Variants in DLG2 observed in about 807,000 individuals in gnomAD.
DLG2 encodes the protein disks large homolog 2.
DLG2 carries 45 observed loss-of-function variants against 132.5 expected under a neutral mutation model. The observed-to-expected ratio is 0.34, with a 90% CI of 0.27 to 0.44. The LOEUF is 0.44. DLG2 is among the 20% of genes least tolerant of loss of function. The pLI is 1.00. For synonymous variants in DLG2, 424 were observed against 419.6 expected, an observed-to-expected ratio of 1.01 and a Z score of -0.13; for missense variants, 1,045 against 1,196.9, an observed-to-expected ratio of 0.87 and a Z score of 1.87.
intron 6 of DLG2, among the ~76,000 whole-genome samples, chr11:84,849,224 C>T (rs941305633): frequency 2.0e-5 from 3 of 152,146 alleles, no homozygotes; most frequent in African/African-American, 7.2e-5. Flanking sequence ...AACAAGTCAA[C>T]TCATAGAACA....
chr11:85,174,788 C>A (rs144528781), intron 4 of DLG2, among the ~76,000 whole-genome samples: 1 of 152,004 alleles, frequency 6.6e-6, no homozygotes, highest in East Asian at 1.9e-4. Context: ...GGGATATCAC[C>A]GCTGACCCCA....
chr11:85,607,260 C>A (rs1302535604), intron 2 of DLG2, among the ~76,000 whole-genome samples: 1 of 152,144 alleles, frequency 6.6e-6, no homozygotes, highest in Non-Finnish European at 1.5e-5. Context: ...TAACAAACCC[C>A]GACTCTTCAG....
At chr11:85,223,901 C>A (rs60360244) in intron 4 of DLG2, among the ~76,000 whole-genome samples, 6,143 of 152,064 alleles carry the variant, frequency 0.04, 161 homozygotes, top group East Asian at 0.093. Flanking sequence ...TCTCTGCTAC[C>A]CTTCCAACTG....
At chr11:84,956,230 A>G (rs2051643495) in intron 6 of DLG2, among the ~76,000 whole-genome samples, 1 of 152,216 alleles carries the variant, frequency 6.6e-6, no homozygotes, top group Non-Finnish European at 1.5e-5. Context: ...GCTGAACAAT[A>G]TTTCTAAAAA....
intron 11 of DLG2, among the ~76,000 whole-genome samples, chr11:84,038,722 C>T (rs1214871134): frequency 6.6e-6 from 1 of 151,928 alleles, no homozygotes; most frequent in Admixed American, 6.6e-5. Context: ...AAGATATACC[C>T]AAGACTTGGC....
At chr11:83,736,283 CTCTG>C (rs2091881821) in intron 18 of DLG2, among the ~76,000 whole-genome samples, 1 of 152,142 alleles carries the variant, frequency 6.6e-6, no homozygotes, top group South Asian at 2.1e-4. Context: ...TACTTAGCTT[CTCTG>C]TCTCTCAGTG....
At chr11:84,394,717 G>T (rs2098805224) in intron 7 of DLG2, among the ~76,000 whole-genome samples, 1 of 151,862 alleles carries the variant, frequency 6.6e-6, no homozygotes, top group Non-Finnish European at 1.5e-5. Flanking sequence ...TGCCTCCTGG[G>T]TTCAAGCGAT....
intron 4 of DLG2, among the ~76,000 whole-genome samples, chr11:85,216,244 A>T (rs914478456): frequency 6.6e-6 from 1 of 152,232 alleles, no homozygotes; most frequent in Non-Finnish European, 1.5e-5. Context: ...GGGCTAACAC[A>T]GGATCATACA....
chr11:84,096,887 T>C (rs116647713), intron 10 of DLG2, among the ~76,000 whole-genome samples: 10 of 105,944 alleles, frequency 9.4e-5, no homozygotes, highest in African/African-American at 3.0e-4. Context: ...TGAAAAAAGA[T>C]GCACATTTAC....
intron 7 of DLG2, among the ~76,000 whole-genome samples, chr11:84,442,940 T>A (rs568903303): frequency 6.6e-6 from 1 of 152,026 alleles, no homozygotes; most frequent in Admixed American, 6.6e-5. Context: ...TAGGAAAAAA[T>A]TGTCACTATG....
chr11:84,584,792 C>T (rs925381318), intron 6 of DLG2, among the ~76,000 whole-genome samples: 36 of 143,466 alleles, frequency 2.5e-4, no homozygotes, highest in Middle Eastern at 3.9e-3. Context: ...GGGTTCACGC[C>T]ATTCTCCTGC....
intron 6 of DLG2, among the ~76,000 whole-genome samples, chr11:84,870,471 C>T (rs1233574913): frequency 2.6e-5 from 4 of 152,122 alleles, no homozygotes; most frequent in South Asian, 2.1e-4. Flanking sequence ...CTTTCCTCCC[C>T]GATTAATAGG....
chr11:84,202,128 T>A lies in DLG2; in HGVS notation c.574-38617A>T, dbSNP rs558860102. 7.9e-5 allele frequency among the ~76,000 whole-genome samples: 12 copies of A among 152,104 alleles called. No homozygotes were observed. In the South Asian group the frequency reaches 1.5e-3, roughly 18 times the overall value. On this transcript the variant is annotated intron_variant, in intron 8 of 27. Transcript: ENST00000376104. ...CACCATGCCCAGCCTATTTTAAAAT[T>A]TATATGGAACCAAAAAGAGCCCAAA...
intron 15 of DLG2, among the ~76,000 whole-genome samples, chr11:83,929,539 G>T (rs2079745489): frequency 6.6e-6 from 1 of 152,158 alleles, no homozygotes; most frequent in African/African-American, 2.4e-5. Flanking sequence ...TACTAACACA[G>T]AATTGTGTCC....
chr11:85,234,627 T>G (rs2075481782), intron 4 of DLG2, among the ~76,000 whole-genome samples: 1 of 152,040 alleles, frequency 6.6e-6, no homozygotes, highest in Admixed American at 6.6e-5. Context: ...TGTCTATCCA[T>G]TAGAGTGGTT....
At chr11:84,704,964 CACATGAGCATGT>C (rs1429455844) in intron 6 of DLG2, among the ~76,000 whole-genome samples, 1 of 150,010 alleles carries the variant, frequency 6.7e-6, no homozygotes, top group Non-Finnish European at 1.5e-5. Context: ...TTTAAGTAGG[CACATGAGCATGT>C]ACACATGTGC....
intron 14 of DLG2, among the ~76,000 whole-genome samples, chr11:83,933,182 AGTT>A (rs2080722359): frequency 6.6e-6 from 1 of 152,194 alleles, no homozygotes; most frequent in Non-Finnish European, 1.5e-5. Context: ...CTTCCCATTT[AGTT>A]GGTAAGGAAG....
chr11:84,693,224 T>C (rs1289249577), intron 6 of DLG2, among the ~76,000 whole-genome samples: 4 of 151,826 alleles, frequency 2.6e-5, no homozygotes, highest in African/African-American at 9.7e-5. Flanking sequence ...ATAACTTGTA[T>C]GTTTGTAGGC....
chr11:84,739,608 GA>G (rs2064321887), intron 6 of DLG2, among the ~76,000 whole-genome samples: 1 of 152,130 alleles, frequency 6.6e-6, no homozygotes, highest in Admixed American at 6.5e-5. Context: ...TTAAAATTGA[GA>G]AATATTGATA....
Sources: allele counts gnomAD v4.1 joint callset (sites outside exome capture counted in the v4.1 genomes callset), GRCh38; gene constraint gnomAD v4.1.1; transcripts MANE v1.5; gene names NCBI Gene and HGNC (gene_info 2026-07-23, HGNC 2026-07-21).